Variants in VWA3A observed in about 807,000 individuals in gnomAD.
VWA3A encodes von Willebrand factor A domain containing 3A.
In VWA3A, 134 loss-of-function variants were observed where a neutral mutation model predicts 160.4. The observed-to-expected ratio is 0.84, with a 90% CI of 0.73 to 0.96. The LOEUF (loss-of-function observed/expected upper bound fraction) is 0.96. Ranked by LOEUF, VWA3A falls within the 40% of genes least tolerant of loss-of-function variation. The pLI, the probability that VWA3A is intolerant of heterozygous loss-of-function variation, is 0.00. For synonymous variants in VWA3A, 476 were observed against 543.4 expected, an observed-to-expected ratio of 0.88 and a Z score of 1.72; for missense variants, 1,310 against 1,447.9, an observed-to-expected ratio of 0.90 and a Z score of 1.55.
intron 25 of VWA3A, 143 bp downstream of exon 25, chr16:22,142,908 T>C (rs1156475748): frequency 3.1e-6 from 2 of 635,866 alleles, no homozygotes; most frequent in Non-Finnish European, 5.5e-6. Flanking sequence ...CCCAGCACTT[T>C]GGGAGGCTGA....
At chr16:22,133,818 C>A (rs2045991822) in intron 20 of VWA3A, among the ~76,000 whole-genome samples, 2 of 151,818 alleles carry the variant, frequency 1.3e-5, no homozygotes, top group Admixed American at 1.3e-4. Flanking sequence ...TCTGCCTTTA[C>A]AAAAAAATTA....
intron 16 of VWA3A, among the ~76,000 whole-genome samples, chr16:22,124,214 A>T (rs1029714259): frequency 3.7e-5 from 5 of 136,416 alleles, no homozygotes; most frequent in African/African-American, 1.1e-4. Context: ...AAAAAAAATC[A>T]CACCTCCTCC....
At chr16:22,115,925 A>AG (rs2045631623) in intron 9 of VWA3A, among the ~76,000 whole-genome samples, 5 of 18,460 alleles carry the variant, frequency 2.7e-4, no homozygotes, top group Admixed American at 7.5e-4. Context: ...AAGGAAGGAA[A>AG]GGAAAGGAAA....
At chr16:22,155,077 C>T (rs980836419) in intron 31 of VWA3A, among the ~76,000 whole-genome samples, 1 of 150,656 alleles carries the variant, frequency 6.6e-6, no homozygotes, top group African/African-American at 2.4e-5. Flanking sequence ...TAGCTTGAGC[C>T]CAGGAGGTCG....
chr16:22,154,817 G>A (rs948196629), intron 31 of VWA3A, among the ~76,000 whole-genome samples: 6 of 150,636 alleles, frequency 4.0e-5, no homozygotes, highest in Non-Finnish European at 7.4e-5. Context: ...AGCCGGGCGC[G>A]GTGGCGGGCG....
At chr16:22,113,443 T>A (rs1333766213) in intron 8 of VWA3A, among the ~76,000 whole-genome samples, 3 of 144,130 alleles carry the variant, frequency 2.1e-5, no homozygotes, top group Non-Finnish European at 4.5e-5. Flanking sequence ...CAGGCTGGTC[T>A]TGGACTCCTG....
In VWA3A at chr16:22,118,956, A is replaced by G. The variant is rs1311273166; in HGVS notation, c.1045A>G (p.Ser349Gly). 2.5e-6 allele frequency: 4 copies of G among 1,613,808 alleles called. No homozygotes were observed. The highest frequency in any genetic ancestry group is 1.7e-5 in the Admixed American group (1 of 59,996). Residue 349 changes from serine (S) to glycine (G), a missense_variant, in exon 12 of 34, where the codon AGC becomes GGC. Physicochemically the swap from Ser to Gly is moderately conservative, Grantham distance 56. Coordinates refer to ENST00000389398, the MANE Select transcript of VWA3A (RefSeq NM_173615.5). Reference sequence around the variant, plus strand: ...CCTGGCAGAAATTCAGAAGGCCCAGAGCCTCCTCAGCCACGTGCAAGCCCT... The same window carrying G: ...CCTGGCAGAAATTCAGAAGGCCCAGGGCCTCCTCAGCCACGTGCAAGCCCT... ...ELLAEIQKAQSLLSHVQALQH... is the reference protein window; with the variant it reads ...ELLAEIQKAQGLLSHVQALQH...
chr16:22,130,327 G>A (rs1167914454), intron 17 of VWA3A, among the ~76,000 whole-genome samples: 1 of 152,082 alleles, frequency 6.6e-6, no homozygotes, highest in Non-Finnish European at 1.5e-5. Flanking sequence ...CCCAGGGGAA[G>A]GAGGATGTTC....
Position 22,131,644 on chromosome 16 carries a change from C to A in VWA3A, c.1787C>A (p.Ala596Asp). 6.2e-7 allele frequency: 1 copy of A among 1,613,964 alleles called. No homozygotes were observed. Among genetic ancestry groups the A allele is most frequent in the Non-Finnish European group, 8.5e-7 (1 of 1,179,884 alleles). The change falls in exon 19 of 34, where the codon GCT becomes GAT. Residue 596 changes from alanine (A) to aspartate (D), a missense_variant. Transcript: ENST00000389398. ...SRNVLSALRK[A>D]VEVDFKDKDK... The stretch of plus-strand genomic sequence containing the variant: ...AACGTTCTCAGCGCCCTGCGGAAGG[C>A]TGTGGAAGTAGACTTCAAGGACAAA...
intron 17 of VWA3A, among the ~76,000 whole-genome samples, chr16:22,126,827 G>A (rs1051924003): frequency 1.3e-5 from 2 of 152,008 alleles, no homozygotes; most frequent in Admixed American, 6.6e-5. Flanking sequence ...GGGCAACATA[G>A]TGAGACCCCA....
chr16:22,148,809 G>A (rs545300980), intron 28 of VWA3A, among the ~76,000 whole-genome samples: 1 of 152,210 alleles, frequency 6.6e-6, no homozygotes, highest in Admixed American at 6.5e-5. Flanking sequence ...ATTAATTTCA[G>A]GCCTAGGGAC....
chr16:22,111,962 A>C (rs1395751631), intron 8 of VWA3A, among the ~76,000 whole-genome samples: 1 of 152,178 alleles, frequency 6.6e-6, no homozygotes, highest in Non-Finnish European at 1.5e-5. Flanking sequence ...CTTTGCACAC[A>C]CATGCATCTG....
At position 22,156,043 on chromosome 16, in the gene VWA3A, T is replaced by G; in HGVS notation, c.*26T>G. On this transcript the variant is annotated 3_prime_UTR_variant, in exon 34 of 34. Transcript: ENST00000389398. Reference sequence around the variant, plus strand: ...ATTCCTCTAAACAGAAAAGTCATCCTGCAAAGGACCACTCACTGAGCAAAT... The same window carrying G: ...ATTCCTCTAAACAGAAAAGTCATCCGGCAAAGGACCACTCACTGAGCAAAT... The G allele has an allele frequency of 9.5e-7, 1 of 1,047,668 alleles. No individual in the cohort carries two copies. The highest frequency in any genetic ancestry group is 1.4e-6 in the Non-Finnish European group (1 of 720,022). 64.9% of individuals were successfully genotyped at this position (1,047,668 alleles called of 1,614,324 possible).
chr16:22,112,022 C>G (rs1224622507), intron 8 of VWA3A, among the ~76,000 whole-genome samples: 1 of 152,220 alleles, frequency 6.6e-6, no homozygotes. Flanking sequence ...TAACACTGCT[C>G]TGTACCTTGG....
chr16:22,100,306 G>A lies in VWA3A; in HGVS notation c.338G>A (p.Gly113Asp). 1 of 1,551,580 alleles carries A rather than the reference G, an allele frequency of 6.4e-7. No homozygotes were observed. The highest frequency in any genetic ancestry group is 8.7e-7 in the Non-Finnish European group (1 of 1,146,998). The change falls in exon 4 of 34, where the codon GGC (glycine) becomes GAC (aspartate). Residue 113 changes from glycine (G) to aspartate (D), a missense_variant. Gly to Asp is a moderately conservative substitution (Grantham distance 94). Transcript: ENST00000389398. Reference protein sequence around the residue: ...KLTLADLISQGTEVLEEGTNV... With the variant: ...KLTLADLISQDTEVLEEGTNV... The stretch of plus-strand genomic sequence containing the variant: ...ACCTTGGCTGACCTGATAAGCCAGG[G>A]CACAGAAGTGCTGTAAGTCTGAAGC...
intron 23 of VWA3A, among the ~76,000 whole-genome samples, chr16:22,140,597 C>T (rs1474315265): frequency 6.6e-6 from 1 of 151,812 alleles, no homozygotes; most frequent in East Asian, 1.9e-4. Context: ...CAGAGCAAGA[C>T]CCTGTCTCTA....
intron 4 of VWA3A, 48 bp downstream of exon 4, chr16:22,100,366 TG>T: frequency 1.3e-6 from 2 of 1,551,644 alleles, no homozygotes; most frequent in Non-Finnish European, 8.7e-7. Context: ...CAGTGACACA[TG>T]CAACCCCCTG....
At chr16:22,118,428 G>A (rs2045680766) in intron 11 of VWA3A, among the ~76,000 whole-genome samples, 1 of 152,158 alleles carries the variant, frequency 6.6e-6, no homozygotes, top group South Asian at 2.1e-4. Flanking sequence ...GCTCACACCT[G>A]TAATCCCAGC....
chr16:22,104,317 A>T (rs562600269), intron 6 of VWA3A, among the ~76,000 whole-genome samples: 1 of 152,072 alleles, frequency 6.6e-6, no homozygotes, highest in African/African-American at 2.4e-5. Context: ...GTGAAACCTC[A>T]TCTCTACTAA....
Sources: gnomAD v4.1 joint callset for allele counts (sites outside exome capture counted in the v4.1 genomes callset) on GRCh38, gnomAD v4.1.1 for gene constraint, MANE v1.5 for transcripts, NCBI Gene and HGNC (gene_info 2026-07-23, HGNC 2026-07-21) for gene names.